Variants in ZNF664 observed in about 807,000 individuals in gnomAD.
The protein encoded by ZNF664 is zinc finger Organ of Corti 1.
ZNF664 carries 10 observed loss-of-function variants against 18.2 expected under a neutral mutation model. The ratio of observed to expected loss-of-function variants is 0.55; its 90% CI spans 0.34 to 0.93. The LOEUF (loss-of-function observed/expected upper bound fraction) is 0.93, where lower values mean the gene tolerates loss of function less well. Ranked by LOEUF, ZNF664 falls within the 40% of genes least tolerant of loss-of-function variation. The pLI is 0.02. For missense variants in ZNF664, 193 were observed against 319.0 expected (o/e 0.61, Z 3.01); for synonymous variants, 119 against 104.2 (o/e 1.14, Z -0.86).
Position 123,973,284 on chromosome 12 carries a change from G to A in ZNF664, c.-960G>A, listed in dbSNP as rs1416715806. On this transcript the variant is annotated 5_prime_UTR_variant, in exon 1 of 5. In the 5' UTR this introduces an upstream ATG that the reference lacks. Coordinates refer to ENST00000337815, the MANE Select transcript of ZNF664 (RefSeq NM_152437.3). ...CGCGGCTCGGAGGCGCACCTGTGAG[G>A]TGTCCCTGAGGAGAGGGAGGTGGGT... 2.0e-6 allele frequency: 2 copies of A among 1,007,324 alleles called. No individual in the cohort carries two copies. The highest frequency in any genetic ancestry group is 4.6e-5 in the South Asian group (1 of 21,522). 62.4% of individuals were successfully genotyped at this position (1,007,324 alleles called of 1,614,324 possible).
chr12:124,011,944 GA>G lies in ZNF664; in HGVS notation c.-200del, dbSNP rs1957139527. 9.9e-6 allele frequency: 14 copies of G among 1,407,482 alleles called. No homozygotes were observed. Among genetic ancestry groups the G allele is most frequent in the Non-Finnish European group, 1.3e-5 (14 of 1,088,966 alleles). The allele number at this position is 1,407,482 out of a possible 1,614,324, so 87.2% of individuals were successfully genotyped here. Reference sequence around the variant, plus strand: ...TTTATAATCGATAATAATACTGAGTGAGGAACACTATGCAGGAAGAAACCTT... The same window carrying G: ...TTTATAATCGATAATAATACTGAGTGGGAACACTATGCAGGAAGAAACCTT... On this transcript the variant is annotated 5_prime_UTR_variant, in exon 5 of 5. Coordinates refer to ENST00000337815, the MANE Select transcript of ZNF664 (RefSeq NM_152437.3).
Position 124,012,303 on chromosome 12 carries a change from T to C in ZNF664, c.159T>C (p.His53=), listed in dbSNP as rs1957143268. 4 of 1,614,208 alleles carry C rather than the reference T, an allele frequency of 2.5e-6. No homozygotes were observed. The highest frequency in any genetic ancestry group is 3.4e-6 in the Non-Finnish European group (4 of 1,180,036). ...AACTTCATATTCATTGGAGAGACCA[T>C]ACAGGAGAGAAGGTCTATAAATGTG... is the stretch of plus-strand genomic sequence containing the variant. ...ISELHIHWRD[H]TGEKVYKCDD... is the part of the protein sequence containing the mutation. Residue 53 remains histidine, a synonymous_variant, in exon 5 of 5, where the codon CAT becomes CAC. Coordinates refer to ENST00000337815, the MANE Select transcript of ZNF664 (RefSeq NM_152437.3).
At chr12:123,990,880 G>T (rs1956881092) in intron 3 of ZNF664, among the ~76,000 whole-genome samples, 1 of 152,168 alleles carries the variant, frequency 6.6e-6, no homozygotes, top group South Asian at 2.1e-4. Context: ...GTATCCTGAG[G>T]AAATCGTATT....
At chr12:124,003,912 T>TTA (rs773382935) in intron 3 of ZNF664, among the ~76,000 whole-genome samples, 4 of 152,230 alleles carry the variant, frequency 2.6e-5, no homozygotes, top group Non-Finnish European at 5.9e-5. Context: ...AAACCTGGCA[T>TTA]TATTCAGCCA....
rs111949870 is a variant in ZNF664 at position 123,973,366 on chromosome 12, G to A, written c.-892+14G>A. 353 of 963,836 alleles carry A rather than the reference G, an allele frequency of 3.7e-4. 2 individuals are homozygous for A. In the African/African-American group the frequency reaches 5.8e-3, roughly 16 times the overall value. The allele number at this position is 963,836 out of a possible 1,614,324, so 59.7% of individuals were successfully genotyped here. On this transcript the variant is annotated intron_variant, in intron 1 of 4. Transcript: ENST00000337815. ...CCCTCACTTGGAGTGAGTTCTCGGC[G>A]GCCGGGCTGCAGTCTTTCTTTCTTT...
chr12:123,976,690 A>G (rs1956696258), intron 2 of ZNF664, among the ~76,000 whole-genome samples: 1 of 152,044 alleles, frequency 6.6e-6, no homozygotes, highest in South Asian at 2.1e-4. Flanking sequence ...CAGGTTGGCC[A>G]TCTCAGAGGG....
chr12:123,973,871 C>A lies in ZNF664; in HGVS notation c.-891-15C>A. Reference sequence around the variant, plus strand: ...GCGGAGGAGCCGGCTGCATGGGGTGCTGTGTGTTTTTCAGGGCGCCCTGCG... The same window carrying A: ...GCGGAGGAGCCGGCTGCATGGGGTGATGTGTGTTTTTCAGGGCGCCCTGCG... On this transcript the variant is annotated splice_polypyrimidine_tract_variant and intron_variant, in intron 1 of 4. Coordinates refer to ENST00000337815, the MANE Select transcript of ZNF664 (RefSeq NM_152437.3). 8.1e-7 allele frequency: 1 copy of A among 1,231,960 alleles called. No individual in the cohort carries two copies. Among genetic ancestry groups the A allele is most frequent in the Non-Finnish European group, 1.0e-6 (1 of 988,218 alleles). 76.3% of individuals were successfully genotyped at this position (1,231,960 alleles called of 1,614,324 possible).
At chr12:124,010,347 T>A (rs192766037) in intron 3 of ZNF664, among the ~76,000 whole-genome samples, 2 of 152,358 alleles carry the variant, frequency 1.3e-5, no homozygotes, top group African/African-American at 4.8e-5. Context: ...TGATTTCATT[T>A]AGTTAATTTT....
intron 3 of ZNF664, among the ~76,000 whole-genome samples, chr12:123,992,866 C>T (rs1956904481): frequency 6.6e-6 from 1 of 152,202 alleles, no homozygotes; most frequent in Admixed American, 6.5e-5. Flanking sequence ...GAGATTTAGA[C>T]CTGGGAATTA....
chr12:124,007,255 A>G (rs1186892343), intron 3 of ZNF664, among the ~76,000 whole-genome samples: 2 of 151,974 alleles, frequency 1.3e-5, no homozygotes, highest in African/African-American at 2.4e-5. Flanking sequence ...CTGAAGAAGA[A>G]CTCTAGTGGG....
At chr12:123,988,373 T>C (rs1425403637) in intron 3 of ZNF664, among the ~76,000 whole-genome samples, 1 of 152,248 alleles carries the variant, frequency 6.6e-6, no homozygotes, top group African/African-American at 2.4e-5. Context: ...TCCAACTCTT[T>C]TTGTTCCCTG....
intron 2 of ZNF664, among the ~76,000 whole-genome samples, chr12:123,981,486 C>T (rs1357008579): frequency 2.6e-5 from 4 of 152,180 alleles, no homozygotes; most frequent in East Asian, 1.9e-4. Flanking sequence ...CCCCTCTCAT[C>T]GTGTGATGCC....
At chr12:124,006,688 C>T (rs192623905) in intron 3 of ZNF664, among the ~76,000 whole-genome samples, 1 of 152,278 alleles carries the variant, frequency 6.6e-6, no homozygotes, top group Admixed American at 6.5e-5. Flanking sequence ...TTTAAGCTTT[C>T]GTTTTCTTGG....
At chr12:124,008,375 C>G (rs1190156814) in intron 3 of ZNF664, among the ~76,000 whole-genome samples, 3 of 152,150 alleles carry the variant, frequency 2.0e-5, no homozygotes, top group African/African-American at 7.2e-5. Context: ...TCTGGTTGTT[C>G]CTCTTTGAGT....
rs58783376 is a variant in ZNF664 at position 123,985,576 on chromosome 12, C to T, written c.-756-2467C>T. Among the ~76,000 whole-genome samples the T allele has an allele frequency of 1.4e-4, 22 of 152,320 alleles. No homozygotes were observed. The East Asian group carries it at 2.9e-3, about 20-fold the overall frequency. On this transcript the variant is annotated intron_variant, in intron 2 of 4. Coordinates refer to ENST00000337815, the MANE Select transcript of ZNF664 (RefSeq NM_152437.3). The stretch of plus-strand genomic sequence containing the variant: ...TTGGCTTCACTTATTTAAAATATTT[C>T]GTTAAGAAAAGATAACAGATTCCTA...
chr12:123,987,846 C>T, intron 2 of ZNF664, 197 bp from the exon 3 acceptor site: 1 of 536,568 alleles, frequency 1.9e-6, no homozygotes, highest in Non-Finnish European at 2.4e-6. Flanking sequence ...TCTGTGGTTT[C>T]TCAGATTTGC....
intron 3 of ZNF664, among the ~76,000 whole-genome samples, chr12:124,008,803 T>C (rs1314543095): frequency 2.0e-5 from 3 of 152,148 alleles, no homozygotes; most frequent in Non-Finnish European, 4.4e-5. Context: ...CATGATTGGC[T>C]CTGTGTTCCT....
At chr12:124,002,368 G>A (rs1475469801) in intron 3 of ZNF664, among the ~76,000 whole-genome samples, 1 of 152,232 alleles carries the variant, frequency 6.6e-6, no homozygotes, top group Non-Finnish European at 1.5e-5. Flanking sequence ...GTGAGAGGAT[G>A]TGTGTTCTAA....
intron 3 of ZNF664, among the ~76,000 whole-genome samples, chr12:124,008,392 A>C (rs866440134): frequency 2.0e-5 from 3 of 152,130 alleles, no homozygotes; most frequent in African/African-American, 7.2e-5. Context: ...GAGTCATGCT[A>C]AGATCGATCC....
Sources: allele counts gnomAD v4.1 joint callset (sites outside exome capture counted in the v4.1 genomes callset), GRCh38; gene constraint gnomAD v4.1.1; transcripts MANE v1.5; gene names NCBI Gene and HGNC (gene_info 2026-07-23, HGNC 2026-07-21).